Variants in PHACTR1 observed in about 807,000 individuals in gnomAD.
PHACTR1 encodes the protein RPEL repeat containing 1.
In PHACTR1, 16 loss-of-function variants were observed where a neutral mutation model predicts 69.2. The observed-to-expected ratio is 0.23, with a 90% CI of 0.16 to 0.35. PHACTR1 has a LOEUF of 0.35. PHACTR1 is among the 10% of genes least tolerant of loss of function. The pLI, the probability that PHACTR1 is intolerant of heterozygous loss-of-function variation, is 1.00. For synonymous variants in PHACTR1, 312 were observed against 284.5 expected, an observed-to-expected ratio of 1.10 and a Z score of -0.97; for missense variants, 510 against 734.7, an observed-to-expected ratio of 0.69 and a Z score of 3.54.
chr6:12,962,477 A>G (rs1489700532), intron 4 of PHACTR1, among the ~76,000 whole-genome samples: 2 of 152,234 alleles, frequency 1.3e-5, no homozygotes. Context: ...CAGATCCATT[A>G]GGGAACATGG....
chr6:12,943,896 C>T (rs1391307746), intron 4 of PHACTR1, among the ~76,000 whole-genome samples: 1 of 152,112 alleles, frequency 6.6e-6, no homozygotes, highest in Non-Finnish European at 1.5e-5. Context: ...AATCTGTAGG[C>T]CTTGCATCTA....
At chr6:12,846,371 G>A in intron 4 of PHACTR1, among the ~76,000 whole-genome samples, 1 of 152,278 alleles carries the variant, frequency 6.6e-6, no homozygotes, top group South Asian at 2.1e-4. Flanking sequence ...AGACAATACT[G>A]CAAATTTCCT....
chr6:13,014,681 G>GCTGCTGGTCC (rs1262399110), intron 4 of PHACTR1, among the ~76,000 whole-genome samples: 1 of 151,994 alleles, frequency 6.6e-6, no homozygotes, highest in Admixed American at 6.5e-5. Context: ...TTGGAGTGCC[G>GCTGCTGGTCC]CTGCTGGTCC....
intron 3 of PHACTR1, among the ~76,000 whole-genome samples, chr6:12,719,571 C>A (rs921789505): frequency 6.6e-6 from 1 of 152,030 alleles, no homozygotes; most frequent in East Asian, 1.9e-4. Flanking sequence ...TCAAAGCAAC[C>A]TGATGATGGG....
At chr6:13,047,248 C>T (rs1261558192) in intron 4 of PHACTR1, among the ~76,000 whole-genome samples, 1 of 151,850 alleles carries the variant, frequency 6.6e-6, no homozygotes, top group Non-Finnish European at 1.5e-5. Flanking sequence ...TGTGGTAGTG[C>T]ACGCCTGTTG....
chr6:13,008,317 C>T (rs897019519), intron 4 of PHACTR1, among the ~76,000 whole-genome samples: 7 of 152,232 alleles, frequency 4.6e-5, no homozygotes, highest in African/African-American at 1.7e-4. Context: ...AATAACTAGA[C>T]GTGCAAGAGT....
intron 5 of PHACTR1, among the ~76,000 whole-genome samples, chr6:13,075,614 A>G (rs1171155004): frequency 6.6e-6 from 1 of 152,206 alleles, no homozygotes; most frequent in Non-Finnish European, 1.5e-5. Flanking sequence ...AGTCCAATAC[A>G]TAAAGGCCAC....
intron 4 of PHACTR1, among the ~76,000 whole-genome samples, chr6:13,014,371 A>G (rs1472637660): frequency 2.0e-5 from 3 of 152,168 alleles, no homozygotes; most frequent in Non-Finnish European, 4.4e-5. Context: ...GGTCCCCAAA[A>G]TGAGGGTTTT....
chr6:13,216,007 C>T (rs1227995813), intron 8 of PHACTR1, among the ~76,000 whole-genome samples: 3 of 152,058 alleles, frequency 2.0e-5, no homozygotes, highest in Non-Finnish European at 2.9e-5. Context: ...TAAGTTTATA[C>T]GAATAGTTTA....
intron 4 of PHACTR1, among the ~76,000 whole-genome samples, chr6:12,812,080 A>G (rs1775073848): frequency 6.6e-6 from 1 of 152,120 alleles, no homozygotes; most frequent in Non-Finnish European, 1.5e-5. Context: ...TGTTGTGCAG[A>G]CACCATCTCT....
intron 4 of PHACTR1, among the ~76,000 whole-genome samples, chr6:12,943,594 G>C (rs1270320903): frequency 1.3e-5 from 2 of 152,164 alleles, no homozygotes; most frequent in Non-Finnish European, 2.9e-5. Flanking sequence ...ATTTTTAGGG[G>C]TTCATAGATG....
At chr6:12,957,508 C>T (rs1343113263) in intron 4 of PHACTR1, 17 of 985,294 alleles carry the variant, frequency 1.7e-5, no homozygotes, top group Non-Finnish European at 1.8e-5. Context: ...TCCTTGGAGA[C>T]GCCAGCTGGG....
intron 10 of PHACTR1, among the ~76,000 whole-genome samples, chr6:13,253,470 T>C (rs906078004): frequency 6.6e-6 from 1 of 152,236 alleles, no homozygotes; most frequent in African/African-American, 2.4e-5. Flanking sequence ...AACCACAATA[T>C]TGCCTGTGAC....
intron 4 of PHACTR1, among the ~76,000 whole-genome samples, chr6:12,934,853 A>C (rs958045619): frequency 9.2e-5 from 14 of 152,144 alleles, no homozygotes; most frequent in Non-Finnish European, 1.3e-4. Context: ...AAAACAAAAA[A>C]AAAAAACTTT....
At chr6:13,209,369 C>A (rs942789660) in intron 8 of PHACTR1, among the ~76,000 whole-genome samples, 1 of 152,188 alleles carries the variant, frequency 6.6e-6, no homozygotes. Context: ...ATCCTCCTGG[C>A]AATTTCCAGT....
At chr6:12,907,476 A>G (rs1238557328) in intron 4 of PHACTR1, among the ~76,000 whole-genome samples, 1 of 152,206 alleles carries the variant, frequency 6.6e-6, no homozygotes, top group Non-Finnish European at 1.5e-5. Context: ...TTTCCACTCA[A>G]GGAGCCTCTA....
intron 3 of PHACTR1, 109 bp downstream of exon 3, chr6:12,718,956 AT>A: frequency 1.8e-6 from 1 of 550,948 alleles, no homozygotes; most frequent in Non-Finnish European, 3.1e-6. Flanking sequence ...AATAACCGGT[AT>A]TTCTAAGTTG....
At chr6:12,753,974 T>A (rs1326869076) in intron 4 of PHACTR1, among the ~76,000 whole-genome samples, 46 of 144,744 alleles carry the variant, frequency 3.2e-4, no homozygotes, top group South Asian at 1.3e-3. Flanking sequence ...ATATATATTT[T>A]TTTTTTGAGA....
intron 4 of PHACTR1, among the ~76,000 whole-genome samples, chr6:12,860,992 C>T (rs1480004396): frequency 1.3e-5 from 2 of 152,180 alleles, no homozygotes; most frequent in African/African-American, 4.8e-5. Context: ...TGTCATTGCC[C>T]TGGACATGTG....
Sources: allele counts gnomAD v4.1 joint callset (sites outside exome capture counted in the v4.1 genomes callset), GRCh38; gene constraint gnomAD v4.1.1; transcripts MANE v1.5; gene names NCBI Gene and HGNC (gene_info 2026-07-23, HGNC 2026-07-21).